The following VCAN variants were observed in gnomAD, a reference collection of about 807,000 sequenced individuals.
VCAN encodes versican.
In VCAN, 44 loss-of-function variants were observed where a neutral mutation model predicts 245.5. That is an observed-to-expected ratio of 0.18 (90% CI 0.14 to 0.23). The LOEUF (loss-of-function observed/expected upper bound fraction) is 0.23. VCAN is among the 10% of genes least tolerant of loss of function. The pLI is 1.00. For synonymous variants in VCAN, 1,413 were observed against 1,437.0 expected (o/e 0.98, Z 0.38); for missense variants, 3,793 against 4,057.9 (o/e 0.93, Z 1.77).
intron 1 of VCAN, among the ~76,000 whole-genome samples, chr5:83,476,457 A>C (rs966958961): frequency 6.6e-6 from 1 of 152,148 alleles, no homozygotes; most frequent in Non-Finnish European, 1.5e-5. Context: ...ACAAACACTC[A>C]TTGTTGGGAG....
At chr5:83,516,004 G>T (rs1745838608) in intron 6 of VCAN, among the ~76,000 whole-genome samples, 1 of 152,316 alleles carries the variant, frequency 6.6e-6, no homozygotes, top group African/African-American at 2.4e-5. Context: ...AGGCCAAGGT[G>T]GGCGGATCAT....
At chr5:83,530,524 A>C (rs76941951) in intron 7 of VCAN, among the ~76,000 whole-genome samples, 3 of 152,138 alleles carry the variant, frequency 2.0e-5, no homozygotes, top group African/African-American at 7.2e-5. Context: ...GAGCAATAGG[A>C]ATAAAAGAAA....
In VCAN at chr5:83,538,450, G is replaced by C. The variant is rs1294472842; in HGVS notation, c.5447G>C (p.Gly1816Ala). ...GAGCACAGCAGTATCCATCAACCTG[G>C]GGTTCAGGAAGGGCTGACCACTCTC... ...TTEHSSIHQP[G>A]VQEGLTTLPR... is the part of the protein sequence containing the mutation. The change falls in exon 8 of 15, where the codon GGG (glycine) becomes GCG (alanine). Residue 1816 changes from glycine (G) to alanine (A), a missense_variant. Around this residue, in one of 5 missense-constraint regions of VCAN, gnomAD observed 3,182 missense variants for 3,250.3 expected, o/e 0.98. Transcript: ENST00000265077. 6.2e-7 allele frequency: 1 copy of C among 1,613,902 alleles called. No individual in the cohort carries two copies. The highest frequency in any genetic ancestry group is 1.3e-5 in the African/African-American group (1 of 74,984).
intron 12 of VCAN, among the ~76,000 whole-genome samples, chr5:83,567,172 A>G (rs1456456245): frequency 6.6e-6 from 1 of 152,152 alleles, no homozygotes; most frequent in Non-Finnish European, 1.5e-5. Context: ...CTAAAAATAA[A>G]GCAATTTTAT....
rs775641813 is a variant in VCAN at position 83,553,478 on chromosome 5, A to G, written c.9608A>G (p.His3203Arg). The G allele has an allele frequency of 3.1e-6, 5 of 1,613,998 alleles. No homozygotes were observed. In the East Asian group the frequency reaches 6.7e-5, roughly 22 times the overall value. ...AERECRLQGAHLTSILSHEEQ... is the reference protein window; with the variant it reads ...AERECRLQGARLTSILSHEEQ... ...CGGGAATGCCGTCTGCAGGGTGCCC[A>G]TCTCACAAGCATCCTGTCTCACGAA... is the stretch of plus-strand genomic sequence containing the variant. The change falls in exon 11 of 15, where the codon CAT (histidine) becomes CGT (arginine). Residue 3203 changes from histidine to arginine, a missense_variant. Physicochemically the swap from His to Arg is conservative, Grantham distance 29. Around this residue, in one of 5 missense-constraint regions of VCAN, gnomAD observed 205 missense variants for 321.1 expected, o/e 0.64. Transcript: ENST00000265077.
At chr5:83,514,906 G>A (rs1209097619) in intron 6 of VCAN, among the ~76,000 whole-genome samples, 1 of 152,180 alleles carries the variant, frequency 6.6e-6, no homozygotes, top group Non-Finnish European at 1.5e-5. Flanking sequence ...AGTGATTTCA[G>A]AGATATACAG....
intron 12 of VCAN, among the ~76,000 whole-genome samples, chr5:83,561,176 T>A (rs566788028): frequency 6.6e-6 from 1 of 152,276 alleles, no homozygotes; most frequent in East Asian, 1.9e-4. Context: ...CCCTGCTTCC[T>A]GGGAAATTAT....
At chr5:83,519,296 A>G (rs1745978032) in intron 6 of VCAN, 53 bp from the exon 7 acceptor site, 2 of 1,593,752 alleles carry the variant, frequency 1.3e-6, no homozygotes, top group African/African-American at 1.3e-5. Flanking sequence ...CACTGGGCAT[A>G]CAAGTTTTTA....
intron 10 of VCAN, among the ~76,000 whole-genome samples, chr5:83,549,295 C>A (rs1747365090): frequency 6.6e-6 from 1 of 152,170 alleles, no homozygotes; most frequent in Non-Finnish European, 1.5e-5. Flanking sequence ...AGTCTCTGAT[C>A]CTGGTGACTT....
intron 7 of VCAN, among the ~76,000 whole-genome samples, chr5:83,527,022 A>G (rs764361505): frequency 9.2e-5 from 14 of 152,194 alleles, no homozygotes; most frequent in Non-Finnish European, 1.8e-4. Context: ...CATTTTTGCC[A>G]TGAAGTGATT....
At chr5:83,533,898 A>G (rs1746610345) in intron 7 of VCAN, among the ~76,000 whole-genome samples, 1 of 152,136 alleles carries the variant, frequency 6.6e-6, no homozygotes, top group Non-Finnish European at 1.5e-5. Context: ...AAAATCAGAA[A>G]CTATAAAGTG....
chr5:83,541,495 T>C lies in VCAN; in HGVS notation c.8492T>C (p.Ile2831Thr). Residue 2831 changes from isoleucine to threonine, a missense_variant, in exon 8 of 15, where the codon ATC becomes ACC. By Grantham distance (89) the Ile-to-Thr change is moderately conservative. Around this residue, in one of 5 missense-constraint regions of VCAN, gnomAD observed 3,182 missense variants for 3,250.3 expected, o/e 0.98. Transcript: ENST00000265077. Reference sequence around the variant, plus strand: ...CAGACACCATCATCTCCCCTCACTATCTACTCAGGCAGTGAAGCCTCTGGA... The same window carrying C: ...CAGACACCATCATCTCCCCTCACTACCTACTCAGGCAGTGAAGCCTCTGGA... ...SSQTPSSPLT[I>T]YSGSEASGHT... 6.2e-7 allele frequency: 1 copy of C among 1,614,036 alleles called. No homozygotes were observed. Among genetic ancestry groups the C allele is most frequent in the Non-Finnish European group, 8.5e-7 (1 of 1,179,988 alleles).
Position 83,522,275 on chromosome 5 carries a change from T to C in VCAN, c.3969T>C (p.Asn1323=), listed in dbSNP as rs1746139309. 2 of 1,599,368 alleles carry C rather than the reference T, an allele frequency of 1.3e-6. No homozygotes were observed. Among genetic ancestry groups the C allele is most frequent in the African/African-American group, 1.3e-5 (1 of 74,908 alleles). The change falls in exon 7 of 15, where the codon AAT becomes AAC. Residue 1323 remains asparagine, a synonymous_variant. Coordinates refer to ENST00000265077, the MANE Select transcript of VCAN (RefSeq NM_004385.5). ...PASTKFHPDI[N]VYIIEVRENK... ...GCACAAAATTTCACCCTGACATTAA[T>C]GTTTATATTATTGAGGTCAGAGAAA... is the stretch of plus-strand genomic sequence containing the variant.
At chr5:83,535,517 G>A (rs754932373) in intron 7 of VCAN, 22 of 152,090 alleles carry the variant, frequency 1.4e-4, no homozygotes, top group Non-Finnish European at 2.8e-4. Context: ...TGTGGAATTT[G>A]TCTTGGTAGT....
At chr5:83,490,578 G>A (rs1019571182) in intron 3 of VCAN, 106 bp downstream of exon 3, 31 of 1,504,136 alleles carry the variant, frequency 2.1e-5, no homozygotes, top group African/African-American at 1.2e-4. Context: ...TTGGATGAGC[G>A]GAAAAACACC....
chr5:83,524,536 G>GTACCTACC (rs58462835), intron 7 of VCAN, among the ~76,000 whole-genome samples: 35 of 147,394 alleles, frequency 2.4e-4, no homozygotes, highest in South Asian at 1.6e-3. Flanking sequence ...ACCTACCTGC[G>GTACCTACC]TACCTACCTA....
Position 83,521,108 on chromosome 5 carries a change from T to C in VCAN, c.2802T>C (p.Ser934=). ...ALGEVEDVDL[S]KPVSTVPQFA... ...GTGAAGTAGAAGATGTGGACCTCTCTAAGCCAGTATCTACTGTTCCCCAAT... is the reference window on the plus strand; with the variant it reads ...GTGAAGTAGAAGATGTGGACCTCTCCAAGCCAGTATCTACTGTTCCCCAAT... Residue 934 remains serine (S), a synonymous_variant, in exon 7 of 15, where the codon TCT becomes TCC. Coordinates refer to ENST00000265077, the MANE Select transcript of VCAN (RefSeq NM_004385.5). The C allele has an allele frequency of 6.2e-7, 1 of 1,614,188 alleles. No individual in the cohort carries two copies. The highest frequency in any genetic ancestry group is 8.5e-7 in the Non-Finnish European group (1 of 1,180,010).
At chr5:83,566,530 G>T (rs1748083986) in intron 12 of VCAN, among the ~76,000 whole-genome samples, 1 of 152,024 alleles carries the variant, frequency 6.6e-6, no homozygotes, top group South Asian at 2.1e-4. Context: ...ATCTGAATTT[G>T]GTAGATTGTT....
Position 83,537,217 on chromosome 5 carries a change from C to T in VCAN, c.4214C>T (p.Thr1405Ile). 3.1e-6 allele frequency: 5 copies of T among 1,613,762 alleles called. No individual in the cohort carries two copies. The highest frequency in any genetic ancestry group is 4.2e-6 in the Non-Finnish European group (5 of 1,179,912). Reference sequence around the variant, plus strand: ...GCAAATGCTACTGATGTGACAACCACCCCATCTGTGCAGTACATAAATGGG... The same window carrying T: ...GCAAATGCTACTGATGTGACAACCATCCCATCTGTGCAGTACATAAATGGG... Reference protein sequence around the residue: ...ECANATDVTTTPSVQYINGKH... With the variant: ...ECANATDVTTIPSVQYINGKH... The change falls in exon 8 of 15, where the codon ACC becomes ATC. Residue 1405 changes from threonine (T) to isoleucine (I), a missense_variant. Coordinates refer to ENST00000265077, the MANE Select transcript of VCAN (RefSeq NM_004385.5).
Sources: gnomAD v4.1 joint callset for allele counts (sites outside exome capture counted in the v4.1 genomes callset) on GRCh38, gnomAD v4.1.1 for gene constraint, gnomAD v4.1.1 regional missense constraint, MANE v1.5 for transcripts, NCBI Gene and HGNC (gene_info 2026-07-23, HGNC 2026-07-21) for gene names.